EML5: variants seen among roughly 807,000 people sequenced by gnomAD.
The protein encoded by EML5 is EMAP like 5.
Under a neutral mutation model 250.0 loss-of-function variants are expected in EML5, and 120 were observed. That is an observed-to-expected ratio of 0.48 (90% CI 0.41 to 0.56). The LOEUF (loss-of-function observed/expected upper bound fraction) is 0.56, where lower values mean the gene tolerates loss of function less well. EML5 is among the 20% of genes least tolerant of loss of function. The pLI, the probability that EML5 is intolerant of heterozygous loss-of-function variation, is 0.00. For missense variants in EML5, 2,006 were observed against 2,437.6 expected (o/e 0.82, Z 3.73); for synonymous variants, 771 against 806.5 (o/e 0.96, Z 0.75).
chr14:88,665,610 C>A (rs772539186), intron 21 of EML5, 121 bp from the exon 22 acceptor site: 1 of 1,333,098 alleles, frequency 7.5e-7, no homozygotes, highest in Non-Finnish European at 1.0e-6. Context: ...GAGGACTGCC[C>A]GCGGCCAGGA....
chr14:88,709,299 A>G (rs2093367211), intron 10 of EML5, among the ~76,000 whole-genome samples: 1 of 152,138 alleles, frequency 6.6e-6, no homozygotes, highest in African/African-American at 2.4e-5. Flanking sequence ...ACACATCATT[A>G]AGAAAATAAA....
intron 33 of EML5, among the ~76,000 whole-genome samples, chr14:88,632,161 A>G (rs1169610253): frequency 1.2e-4 from 18 of 152,168 alleles, no homozygotes. Context: ...ACTGGCCTTG[A>G]TTCCTCACTA....
chr14:88,736,297 C>A (rs2093840504), intron 7 of EML5, 67 bp downstream of exon 7: 2 of 1,562,864 alleles, frequency 1.3e-6, no homozygotes, highest in Middle Eastern at 1.7e-4. Context: ...CAGTGCCTGG[C>A]CATGTTTTCT....
intron 27 of EML5, among the ~76,000 whole-genome samples, chr14:88,651,145 T>C (rs1185727044): frequency 6.9e-6 from 1 of 145,716 alleles, no homozygotes; most frequent in South Asian, 2.2e-4. Flanking sequence ...ACTTCTGCCT[T>C]GTCATTTTCT....
At position 88,614,825 on chromosome 14, in the gene EML5, T is replaced by C. The variant is rs1402220773; in HGVS notation, c.*993A>G. On this transcript the variant is annotated 3_prime_UTR_variant, in exon 44 of 44. Coordinates refer to ENST00000554922, the MANE Select transcript of EML5 (RefSeq NM_183387.3). Reference sequence around the variant, plus strand: ...GAGTTGGGCTCATTCATTTTGGAAATAAACCTATGGAGTGGCACACATCTA... The same window carrying C: ...GAGTTGGGCTCATTCATTTTGGAAACAAACCTATGGAGTGGCACACATCTA... The C allele has an allele frequency of 6.6e-6, 1 of 152,102 alleles. No homozygotes were observed. Among genetic ancestry groups the C allele is most frequent in the East Asian group, 1.9e-4 (1 of 5,194 alleles). The allele number at this position is 152,102 out of a possible 1,614,324, so 9.4% of individuals were successfully genotyped here. A position where few individuals can be genotyped will look rare whatever the true frequency, so the allele number is the denominator to read the frequency against.
chr14:88,772,803 C>T (rs2094407563), intron 1 of EML5, among the ~76,000 whole-genome samples: 2 of 152,060 alleles, frequency 1.3e-5, no homozygotes, highest in Non-Finnish European at 1.5e-5. Flanking sequence ...TAGCTCCTAC[C>T]ATTTTTCCTT....
intron 36 of EML5, chr14:88,624,631 T>G (rs1364367130): frequency 4.7e-6 from 1 of 214,724 alleles, no homozygotes; most frequent in Non-Finnish European, 9.2e-6. Flanking sequence ...GAGCAGGCAG[T>G]CAAAATACAA....
chr14:88,705,599 T>A lies in EML5; in HGVS notation c.1826-11A>T, dbSNP rs1206463337. On this transcript the variant is annotated splice_polypyrimidine_tract_variant and intron_variant, in intron 11 of 43. Transcript: ENST00000554922. ...AGTCAGCCAGACTTTCTGTAATTTT[T>A]AAAAATGAAATGTTACTTGTTTAAA... 4 of 1,549,102 alleles carry A rather than the reference T, an allele frequency of 2.6e-6. No homozygotes were observed. In the Admixed American group the frequency reaches 7.6e-5, roughly 29 times the overall value.
intron 8 of EML5, among the ~76,000 whole-genome samples, chr14:88,720,680 G>T (rs1009799362): frequency 1.1e-4 from 17 of 152,134 alleles, no homozygotes; most frequent in Non-Finnish European, 2.5e-4. Context: ...TACTGAATGT[G>T]CAAAAGCTGG....
intron 1 of EML5, among the ~76,000 whole-genome samples, chr14:88,758,183 CATATATATGT>C (rs1286354366): frequency 1.3e-5 from 2 of 150,976 alleles, no homozygotes; most frequent in Non-Finnish European, 3.0e-5. Context: ...CATATATATA[CATATATATGT>C]GTATTTATTT....
intron 7 of EML5, among the ~76,000 whole-genome samples, chr14:88,735,385 T>C (rs1199320334): frequency 2.7e-4 from 41 of 152,108 alleles, no homozygotes; most frequent in Non-Finnish European, 4.4e-5. Context: ...GAAAAAGACC[T>C]ATGAACTAAC....
At chr14:88,766,778 C>T (rs1367967282) in intron 1 of EML5, among the ~76,000 whole-genome samples, 1 of 152,072 alleles carries the variant, frequency 6.6e-6, no homozygotes, top group Non-Finnish European at 1.5e-5. Context: ...CATCACGGAA[C>T]CTGCCAACAT....
intron 36 of EML5, 77 bp from the exon 37 acceptor site, chr14:88,622,795 T>TA: frequency 1.0e-6 from 1 of 954,314 alleles, no homozygotes; most frequent in Non-Finnish European, 1.4e-6. Flanking sequence ...TACCAAGTTA[T>TA]AAGCAGAATC....
chr14:88,741,931 A>C (rs1416867627), intron 4 of EML5, among the ~76,000 whole-genome samples: 1 of 152,212 alleles, frequency 6.6e-6, no homozygotes, highest in Non-Finnish European at 1.5e-5. Flanking sequence ...GAGTACTTTA[A>C]TTAAACTTTG....
chr14:88,646,888 T>A (rs971092435), intron 29 of EML5, 59 bp downstream of exon 29: 2 of 1,553,456 alleles, frequency 1.3e-6, no homozygotes, highest in East Asian at 2.3e-5. Context: ...TAATGCTAAA[T>A]ATGGAAGATG....
chr14:88,698,834 C>G (rs906849262), intron 14 of EML5, among the ~76,000 whole-genome samples: 1 of 152,194 alleles, frequency 6.6e-6, no homozygotes, highest in Non-Finnish European at 1.5e-5. Flanking sequence ...CTAACACTCA[C>G]TGAGAAGTAA....
At chr14:88,738,116 T>C (rs918625595) in intron 6 of EML5, among the ~76,000 whole-genome samples, 1 of 152,184 alleles carries the variant, frequency 6.6e-6, no homozygotes. Context: ...CAAATTATTT[T>C]GTAAGCTTTA....
At chr14:88,643,728 C>T (rs572692637) in intron 30 of EML5, among the ~76,000 whole-genome samples, 106 of 152,314 alleles carry the variant, frequency 7.0e-4, no homozygotes, top group African/African-American at 2.4e-3. Context: ...TCAAACAGTA[C>T]ATTCATCATC....
At chr14:88,745,869 A>G (rs2093997505) in intron 3 of EML5, among the ~76,000 whole-genome samples, 1 of 152,184 alleles carries the variant, frequency 6.6e-6, no homozygotes, top group Non-Finnish European at 1.5e-5. Context: ...GCAAACCTCC[A>G]TGGCACGTGT....
Sources: allele counts gnomAD v4.1 joint callset (sites outside exome capture counted in the v4.1 genomes callset), GRCh38; gene constraint gnomAD v4.1.1; transcripts MANE v1.5; gene names NCBI Gene and HGNC (gene_info 2026-07-23, HGNC 2026-07-21).